Variants in TTC7A observed in about 807,000 individuals in gnomAD.
The protein encoded by TTC7A is tetratricopeptide repeat protein 7A.
TTC7A carries 110 observed loss-of-function variants against 103.7 expected under a neutral mutation model. The ratio of observed to expected loss-of-function variants is 1.06; its 90% CI spans 0.91 to 1.24. The LOEUF (loss-of-function observed/expected upper bound fraction) is 1.24. Among genes scored for constraint, TTC7A ranks in the 50% most tolerant of loss-of-function variants. The pLI is 0.00. For missense variants in TTC7A, 1,340 were observed against 1,116.3 expected, an observed-to-expected ratio of 1.20 and a Z score of -2.86; for synonymous variants, 521 against 467.9, an observed-to-expected ratio of 1.11 and a Z score of -1.47.
chr2:46,970,264 A>C (rs1038927301), intron 3 of TTC7A, among the ~76,000 whole-genome samples: 6 of 152,204 alleles, frequency 3.9e-5, no homozygotes, highest in African/African-American at 1.4e-4. Flanking sequence ...CTGGGATTAC[A>C]GGTGTGAGCC....
chr2:47,044,911 TGA>T (rs1682148993), intron 15 of TTC7A, among the ~76,000 whole-genome samples: 1 of 152,176 alleles, frequency 6.6e-6, no homozygotes, highest in Admixed American at 6.5e-5. Flanking sequence ...GAGGCCCAGC[TGA>T]GAGAGAAGAT....
intron 2 of TTC7A, among the ~76,000 whole-genome samples, chr2:46,929,490 C>CAAAA (rs758033549): frequency 5.3e-5 from 8 of 152,000 alleles, no homozygotes; most frequent in Non-Finnish European, 7.4e-5. Flanking sequence ...TCTCAAAATA[C>CAAAA]ATAAATAAAT....
intron 3 of TTC7A, among the ~76,000 whole-genome samples, chr2:46,967,071 G>A (rs1056581566): frequency 6.6e-6 from 1 of 152,022 alleles, no homozygotes; most frequent in African/African-American, 2.4e-5. Context: ...AAATTAGCCA[G>A]GCGTGGTGGC....
intron 3 of TTC7A, among the ~76,000 whole-genome samples, chr2:46,972,291 C>A (rs1204645946): frequency 6.6e-6 from 1 of 150,466 alleles, no homozygotes; most frequent in Non-Finnish European, 1.5e-5. Context: ...TTCTGTGTTT[C>A]TTACAGATTG....
At chr2:46,989,455 G>A (rs571081456) in intron 5 of TTC7A, among the ~76,000 whole-genome samples, 21 of 152,340 alleles carry the variant, frequency 1.4e-4, no homozygotes, top group South Asian at 4.1e-4. Context: ...GAGCTGGGAC[G>A]GGATTGCTCA....
intron 2 of TTC7A, among the ~76,000 whole-genome samples, chr2:46,926,681 C>T (rs1362384011): frequency 6.6e-6 from 1 of 152,190 alleles, no homozygotes; most frequent in African/African-American, 2.4e-5. Context: ...TTATCCTAAG[C>T]ATCAGATGAT....
At position 46,956,846 on chromosome 2, in the gene TTC7A, A is replaced by C; in HGVS notation, c.356A>C (p.Tyr119Ser). The part of the protein sequence containing the change: ...ILNHGRLSPQ[Y>S]MCEAMLILGK... Reference sequence around the variant, plus strand: ...ATGTCCTTGTCATTTCAGCCACAGTACATGTGTGAGGCCATGCTGATCCTG... The same window carrying C: ...ATGTCCTTGTCATTTCAGCCACAGTCCATGTGTGAGGCCATGCTGATCCTG... Residue 119 changes from tyrosine (Y) to serine (S), a missense_variant, in exon 3 of 20, where the codon TAC becomes TCC. By Grantham distance (144) the Tyr-to-Ser change is moderately radical. Transcript: ENST00000319190. The C allele has an allele frequency of 6.2e-7, 1 of 1,614,182 alleles. No individual in the cohort carries two copies. The highest frequency in any genetic ancestry group is 8.5e-7 in the Non-Finnish European group (1 of 1,180,028).
At chr2:46,970,808 T>C (rs1233435101) in intron 3 of TTC7A, among the ~76,000 whole-genome samples, 2 of 152,174 alleles carry the variant, frequency 1.3e-5, no homozygotes, top group African/African-American at 4.8e-5. Context: ...ATAAGGATCC[T>C]CCCCCTCCTG....
intron 15 of TTC7A, among the ~76,000 whole-genome samples, chr2:47,042,702 G>GTGTGTA (rs111460716): frequency 1.8e-4 from 25 of 142,720 alleles, no homozygotes; most frequent in African/African-American, 4.3e-4. Context: ...GTGTGTGTGT[G>GTGTGTA]TATATATATG....
In TTC7A at chr2:47,074,523, A is replaced by G; in HGVS notation, c.*600A>G. The G allele has an allele frequency of 6.5e-6, 1 of 152,894 alleles. No individual in the cohort carries two copies. The highest frequency in any genetic ancestry group is 1.5e-5 in the Non-Finnish European group (1 of 68,474). The allele number at this position is 152,894 out of a possible 1,614,324, so 9.5% of individuals were successfully genotyped here. A position where few individuals can be genotyped will look rare whatever the true frequency, so the allele number is the denominator to read the frequency against. On this transcript the variant is annotated 3_prime_UTR_variant, in exon 20 of 20. Coordinates refer to ENST00000319190, the MANE Select transcript of TTC7A (RefSeq NM_020458.4). ...AGGGGTACTGAGCACCGGCCCTAAC[A>G]CTTCCATCTCCACCCACCCCATCTC...
chr2:47,056,859 C>A (rs1683364154), intron 18 of TTC7A, among the ~76,000 whole-genome samples: 1 of 152,082 alleles, frequency 6.6e-6, no homozygotes, highest in Admixed American at 6.5e-5. Flanking sequence ...GGAGGGGCCC[C>A]TTGACGCTGA....
At chr2:46,981,511 G>A (rs1444170081) in intron 5 of TTC7A, among the ~76,000 whole-genome samples, 1 of 152,192 alleles carries the variant, frequency 6.6e-6, no homozygotes, top group African/African-American at 2.4e-5. Context: ...ATGAGGCTGA[G>A]GATTGTAGGA....
chr2:46,994,380 G>T lies in TTC7A; in HGVS notation c.867G>T (p.Gly289=). 3 of 1,613,402 alleles carry T rather than the reference G, an allele frequency of 1.9e-6. No homozygotes were observed. Among genetic ancestry groups the T allele is most frequent in the Non-Finnish European group, 1.7e-6 (2 of 1,179,626 alleles). ...AGATGGCGGCCAAGCACCTGGCGGG[G>T]GTCCTGCTGCACTCCCTGAGTGAGG... ...FKVMAAKHLA[G]VLLHSLSEEC... The change falls in exon 7 of 20, where the codon GGG becomes GGT. Residue 289 remains glycine (G), a synonymous_variant. Transcript: ENST00000319190.
At chr2:47,042,702 G>GTGTGTGTGTGTGTA (rs111460716) in intron 15 of TTC7A, among the ~76,000 whole-genome samples, 4 of 142,636 alleles carry the variant, frequency 2.8e-5, no homozygotes, top group African/African-American at 8.0e-5. Context: ...GTGTGTGTGT[G>GTGTGTGTGTGTGTA]TATATATATG....
chr2:46,941,680 A>G lies in TTC7A; in HGVS notation c.139A>G (p.Asn47Asp). The G allele has an allele frequency of 6.4e-7, 1 of 1,551,686 alleles. No individual in the cohort carries two copies. Among genetic ancestry groups the G allele is most frequent in the Admixed American group, 2.0e-5 (1 of 51,144 alleles). ...GCTGAGCATGCCCGGCGGCGGAGGT[A>G]ACAGGCGAGGCAGCCCGAGCGCAGC... ...QTLSMPGGGG[N>D]RRGSPSAAFT... The change falls in exon 1 of 20, where the codon AAC (asparagine) becomes GAC (aspartate). Residue 47 changes from asparagine to aspartate, a missense_variant. Physicochemically the swap from Asn to Asp is conservative, Grantham distance 23. Coordinates refer to ENST00000319190, the MANE Select transcript of TTC7A (RefSeq NM_020458.4). This position sits in a 1 kb window ranked among gnomAD's most constrained non-coding sequence, Gnocchi z 4.2.
At chr2:47,052,676 A>G (rs576425749) in intron 18 of TTC7A, among the ~76,000 whole-genome samples, 8 of 152,330 alleles carry the variant, frequency 5.3e-5, no homozygotes, top group Admixed American at 1.3e-4. Flanking sequence ...AGCCAAAGCC[A>G]AAGATGACAA....
upstream of TTC7A, among the ~76,000 whole-genome samples, chr2:46,938,277 C>T (rs374151432): frequency 1.5e-4 from 23 of 152,264 alleles, no homozygotes; most frequent in East Asian, 4.2e-3. Context: ...AAAGGACAAC[C>T]TTACAAACTT....
At chr2:47,036,296 GA>G (rs1209851386) in intron 15 of TTC7A, among the ~76,000 whole-genome samples, 3 of 152,226 alleles carry the variant, frequency 2.0e-5, no homozygotes, top group Non-Finnish European at 2.9e-5. Flanking sequence ...CTAACTTCAG[GA>G]AACCAAAGCT....
rs10460537 is a variant in TTC7A, at chr2:47,056,685, T to C, written c.2153-4084T>C. On this transcript the variant is annotated intron_variant, in intron 18 of 19. Transcript: ENST00000319190. ...AGCTCCAGGGAACAGATGTTTTCCA[T>C]TTGTAGCCTGCCGAGAGAAAGCACA... Among the ~76,000 whole-genome samples the C allele has an allele frequency of 0.018, 2,730 of 152,218 alleles. 338 individuals carry two copies. The East Asian group carries it at 0.34, about 19-fold the overall frequency.
Sources: allele counts gnomAD v4.1 joint callset (sites outside exome capture counted in the v4.1 genomes callset), GRCh38; gene constraint gnomAD v4.1.1; non-coding constraint Gnocchi (gnomAD v3.1); transcripts MANE v1.5; gene names NCBI Gene and HGNC (gene_info 2026-07-23, HGNC 2026-07-21).